Variants in GRIA1 observed in about 807,000 individuals in gnomAD.
The protein encoded by GRIA1 is glutamate receptor 1.
Under a neutral mutation model 99.2 loss-of-function variants are expected in GRIA1, and 31 were observed. That is an observed-to-expected ratio of 0.31 (90% confidence interval 0.23 to 0.42). The LOEUF is 0.42. Among genes scored for constraint, GRIA1 ranks in the 10% least tolerant of loss-of-function variants. The probability of loss-of-function intolerance (pLI) is 1.00; values close to 1 mark genes in which losing one functional copy is unlikely to be tolerated. For synonymous variants in GRIA1, 438 were observed against 432.4 expected (o/e 1.01, Z -0.16); for missense variants, 782 against 1,157.5 (o/e 0.68, Z 4.71).
At chr5:153,734,829 T>C (rs1266713338) in intron 11 of GRIA1, among the ~76,000 whole-genome samples, 1 of 152,180 alleles carries the variant, frequency 6.6e-6, no homozygotes, top group South Asian at 2.1e-4. Flanking sequence ...GGAACATGTT[T>C]GTGAGCCATT....
chr5:153,810,879 G>A, intron 15 of GRIA1, 146 bp from the exon 16 acceptor site: 3 of 637,420 alleles, frequency 4.7e-6, no homozygotes, highest in Non-Finnish European at 8.5e-6. Flanking sequence ...CTGTGTTCCT[G>A]AGAAGTCAGA....
At chr5:153,724,711 G>C (rs879437421) in intron 11 of GRIA1, among the ~76,000 whole-genome samples, 1 of 152,170 alleles carries the variant, frequency 6.6e-6, no homozygotes, top group South Asian at 2.1e-4. Flanking sequence ...AGAATAAAAA[G>C]AAATGAACAA....
At chr5:153,797,003 A>G (rs1765689042) in intron 14 of GRIA1, among the ~76,000 whole-genome samples, 3 of 152,132 alleles carry the variant, frequency 2.0e-5, no homozygotes, top group South Asian at 4.1e-4. Flanking sequence ...AATTCACACA[A>G]TGATGCTCTG....
intron 2 of GRIA1, among the ~76,000 whole-genome samples, chr5:153,584,856 C>A (rs75705538): frequency 0.013 from 1,919 of 152,280 alleles, 34 homozygotes; most frequent in African/African-American, 0.039. Flanking sequence ...AAGCAGTCTG[C>A]AGTCCATGAT....
At chr5:153,622,534 A>T (rs1013572519) in intron 2 of GRIA1, among the ~76,000 whole-genome samples, 5 of 152,234 alleles carry the variant, frequency 3.3e-5, no homozygotes, top group African/African-American at 1.2e-4. Context: ...GAAAGTATGG[A>T]TACCTTTGCC....
chr5:153,588,627 T>A (rs1318733240), intron 2 of GRIA1, among the ~76,000 whole-genome samples: 1 of 152,236 alleles, frequency 6.6e-6, no homozygotes, highest in Non-Finnish European at 1.5e-5. Context: ...GAGCCTATGG[T>A]TTTATACTTT....
intron 11 of GRIA1, among the ~76,000 whole-genome samples, chr5:153,760,126 A>G (rs1485163925): frequency 6.6e-6 from 1 of 152,124 alleles, no homozygotes; most frequent in African/African-American, 2.4e-5. Flanking sequence ...TTCCCCTAAG[A>G]TATGGAACTA....
chr5:153,797,241 C>A (rs879525088), intron 14 of GRIA1, among the ~76,000 whole-genome samples: 1 of 152,178 alleles, frequency 6.6e-6, no homozygotes, highest in Non-Finnish European at 1.5e-5. Context: ...CTGGAGAGAA[C>A]CAGTGACTTC....
At chr5:153,688,992 T>C (rs1178657006) in intron 8 of GRIA1, among the ~76,000 whole-genome samples, 1 of 152,108 alleles carries the variant, frequency 6.6e-6, no homozygotes, top group African/African-American at 2.4e-5. Flanking sequence ...AGTGCTGAGA[T>C]TACAGGTATG....
intron 2 of GRIA1, among the ~76,000 whole-genome samples, chr5:153,508,427 A>G (rs558648184): frequency 1.1e-3 from 160 of 152,274 alleles, no homozygotes; most frequent in African/African-American, 3.3e-3. Context: ...GTGCTAATCT[A>G]GATTCTAGAA....
At chr5:153,649,440 T>TTTATTTATTTAG (rs1554108110) in intron 3 of GRIA1, among the ~76,000 whole-genome samples, 23 of 146,904 alleles carry the variant, frequency 1.6e-4, no homozygotes, top group African/African-American at 3.8e-4. Flanking sequence ...TATTTATTTA[T>TTTATTTATTTAG]TTAGTTAGTT....
rs1326833555 is a variant in GRIA1 at position 153,812,782 on chromosome 5, G to C, written c.*1557G>C. 6.6e-6 allele frequency: 1 copy of C among 152,276 alleles called. No homozygotes were observed. Among genetic ancestry groups the C allele is most frequent in the Non-Finnish European group, 1.5e-5 (1 of 68,088 alleles). The allele number at this position is 152,276 out of a possible 1,614,324, so 9.4% of individuals were successfully genotyped here. On this transcript the variant is annotated 3_prime_UTR_variant, in exon 16 of 16. Transcript: ENST00000285900. ...ATCCCTGACATATAGCTTTCTTGGAGATCCCAACTCTCATTCTTGGTGCAA... is the reference window on the plus strand; with the variant it reads ...ATCCCTGACATATAGCTTTCTTGGACATCCCAACTCTCATTCTTGGTGCAA...
At chr5:153,682,869 C>T (rs1448253109) in intron 7 of GRIA1, among the ~76,000 whole-genome samples, 1 of 152,186 alleles carries the variant, frequency 6.6e-6, no homozygotes, top group Non-Finnish European at 1.5e-5. Context: ...GTAATAGAGA[C>T]ATTAACCCGC....
chr5:153,740,965 G>GTTT (rs1761736753), intron 11 of GRIA1, among the ~76,000 whole-genome samples: 3 of 124,358 alleles, frequency 2.4e-5, no homozygotes, highest in Non-Finnish European at 4.9e-5. Flanking sequence ...GAAGAAATTG[G>GTTT]CTTTTTTTTT....
chr5:153,659,822 G>A (rs1189796650), intron 5 of GRIA1, among the ~76,000 whole-genome samples: 1 of 152,102 alleles, frequency 6.6e-6, no homozygotes, highest in Non-Finnish European at 1.5e-5. Context: ...ATTTACACAG[G>A]TTTCAGCAGA....
chr5:153,767,508 G>A (rs1763594513), intron 12 of GRIA1, among the ~76,000 whole-genome samples: 1 of 152,176 alleles, frequency 6.6e-6, no homozygotes, highest in South Asian at 2.1e-4. Flanking sequence ...TGTAAAAGGA[G>A]AGTACTGCCA....
intron 2 of GRIA1, among the ~76,000 whole-genome samples, chr5:153,601,406 A>T (rs1444575997): frequency 6.6e-6 from 1 of 152,216 alleles, no homozygotes; most frequent in Admixed American, 6.5e-5. Context: ...AATATCTTAC[A>T]GCCCTGCTGT....
rs1353243735 is a variant in GRIA1, at chr5:153,731,266, T to C, written c.1823+25199T>C. Reference sequence around the variant, plus strand: ...TCTCCATCTTCATCTCTTTCTCCTATATTCTGGCCTCTTGTGATCTGTTCC... The same window carrying C: ...TCTCCATCTTCATCTCTTTCTCCTACATTCTGGCCTCTTGTGATCTGTTCC... On this transcript the variant is annotated intron_variant, in intron 11 of 15. Coordinates refer to ENST00000285900, the MANE Select transcript of GRIA1 (RefSeq NM_000827.4). 2.6e-5 allele frequency among the ~76,000 whole-genome samples: 4 copies of C among 151,708 alleles called. No homozygotes were observed. The East Asian group carries it at 7.7e-4, about 29-fold the overall frequency.
At chr5:153,801,460 C>T (rs1397011970) in intron 14 of GRIA1, among the ~76,000 whole-genome samples, 2 of 152,136 alleles carry the variant, frequency 1.3e-5, no homozygotes, top group Admixed American at 6.5e-5. Context: ...CTTCCTCTGG[C>T]TCCACAGGGT....
Sources: gnomAD v4.1 joint callset for allele counts (sites outside exome capture counted in the v4.1 genomes callset) on GRCh38, gnomAD v4.1.1 for gene constraint, MANE v1.5 for transcripts, NCBI Gene and HGNC (gene_info 2026-07-23, HGNC 2026-07-21) for gene names.